Variants in RGS12 observed in about 807,000 individuals in gnomAD.
RGS12 encodes regulator of G-protein signaling 12.
Under a neutral mutation model 120.1 loss-of-function variants are expected in RGS12, and 66 were observed. That is an observed-to-expected ratio of 0.55 (90% CI 0.45 to 0.67). The LOEUF is 0.67. RGS12 is among the 30% of genes least tolerant of loss of function. The pLI is 0.00. For synonymous variants in RGS12, 827 were observed against 804.7 expected, an observed-to-expected ratio of 1.03 and a Z score of -0.47; for missense variants, 1,859 against 1,957.7, an observed-to-expected ratio of 0.95 and a Z score of 0.95.
intron 13 of RGS12, among the ~76,000 whole-genome samples, chr4:3,424,288 A>G (rs1395803906): frequency 6.6e-6 from 1 of 152,244 alleles, no homozygotes; most frequent in African/African-American, 2.4e-5. Context: ...TGGAGCAATG[A>G]TTTCAAGTAT....
intron 2 of RGS12, among the ~76,000 whole-genome samples, chr4:3,326,944 G>T (rs6841189): frequency 9.9e-5 from 15 of 152,032 alleles, no homozygotes; most frequent in Non-Finnish European, 1.9e-4. Flanking sequence ...AATTTTTCAC[G>T]GAAGTAGAAA....
At position 3,423,515 on chromosome 4, in the gene RGS12, G is replaced by T; in HGVS notation, c.3108G>T (p.Arg1036=). 1 of 1,613,078 alleles carries T rather than the reference G, an allele frequency of 6.2e-7. No homozygotes were observed. ...AGTGAATTTTTTCATCCCCCACCAG[G>T]CTGGATCTTGTTCCGATTAACCGGT... is the stretch of plus-strand genomic sequence containing the variant. ...DLRLEKRTLF[R]LDLVPINRSV... The change falls in exon 13 of 18, where the codon CGG becomes CGT. Residue 1036 remains arginine, a splice_region_variant and synonymous_variant. Transcript: ENST00000336727.
intron 1 of RGS12, among the ~76,000 whole-genome samples, chr4:3,302,563 C>A (rs1261231504): frequency 1.3e-5 from 2 of 152,334 alleles, no homozygotes; most frequent in East Asian, 1.9e-4. Flanking sequence ...GCTCCGCTCC[C>A]CCTGCTTACA....
At chr4:3,419,030 A>C (rs1560166595) in intron 9 of RGS12, 2 of 151,034 alleles carry the variant, frequency 1.3e-5, no homozygotes, top group African/African-American at 2.4e-5. Context: ...CAAAAAAAAA[A>C]AAAAAAAAAA....
chr4:3,294,894 G>A lies in RGS12; in HGVS notation c.-102+1795G>A, dbSNP rs186567867. Among the ~76,000 whole-genome samples the A allele has an allele frequency of 2.4e-3, 368 of 152,256 alleles. 1 individual carries two copies. In the Middle Eastern group the frequency reaches 0.044, roughly 18 times the overall value. On this transcript the variant is annotated intron_variant, in intron 1 of 17. Coordinates refer to ENST00000336727, the MANE Select transcript of RGS12 (RefSeq NM_001394154.1). The stretch of plus-strand genomic sequence containing the variant: ...CAAGGGCGGAGGAAAGGCCCCTCAC[G>A]TGGACTGGAGGTACAGTACTGACCT...
chr4:3,330,276 A>C (rs183423554), intron 2 of RGS12, among the ~76,000 whole-genome samples: 1 of 152,344 alleles, frequency 6.6e-6, no homozygotes, highest in East Asian at 1.9e-4. Flanking sequence ...CACCAAGTAC[A>C]TCCCGCTGAA....
intron 13 of RGS12, among the ~76,000 whole-genome samples, chr4:3,425,185 C>T (rs1279279383): frequency 2.0e-5 from 3 of 152,178 alleles, no homozygotes; most frequent in Non-Finnish European, 4.4e-5. Context: ...TCCCTCATAG[C>T]AGCGTCCGAG....
At chr4:3,292,559 C>T (rs1453809441), upstream of RGS12, among the ~76,000 whole-genome samples, 1 of 152,252 alleles carries the variant, frequency 6.6e-6, no homozygotes, top group East Asian at 1.9e-4. Context: ...GGCACAGAGA[C>T]CCAACGGGAG....
intron 4 of RGS12, among the ~76,000 whole-genome samples, chr4:3,399,748 A>C (rs2038921177): frequency 6.6e-6 from 1 of 152,276 alleles, no homozygotes; most frequent in Admixed American, 6.5e-5. Context: ...TATATCAGTC[A>C]GCTTAGGCTA....
At chr4:3,352,573 T>C (rs1714466292) in intron 3 of RGS12, among the ~76,000 whole-genome samples, 1 of 152,174 alleles carries the variant, frequency 6.6e-6, no homozygotes, top group African/African-American at 2.4e-5. Context: ...AGGGAAGTAG[T>C]GGAAGATAAA....
At chr4:3,370,288 G>C (rs1716833475) in intron 3 of RGS12, 1 of 1,614,162 alleles carries the variant, frequency 6.2e-7, no homozygotes, top group Non-Finnish European at 8.5e-7. Context: ...GGAAAGAGTT[G>C]TCAAACGAAA....
chr4:3,311,440 T>A (rs1190837996), intron 1 of RGS12, among the ~76,000 whole-genome samples: 2 of 152,064 alleles, frequency 1.3e-5, no homozygotes, highest in Non-Finnish European at 2.9e-5. Flanking sequence ...TCACCCTGAG[T>A]TTTTTTTCTT....
At chr4:3,286,602 G>A in the RGS12 span, among the ~76,000 whole-genome samples, 1 of 152,216 alleles carries the variant, frequency 6.6e-6, no homozygotes, top group South Asian at 2.1e-4. Context: ...CTGCGGTGTG[G>A]GGTTTGCTCT....
chr4:3,439,363 C>T (rs2109282906), intron 17 of RGS12, 92 bp from the exon 18 acceptor site: 1 of 1,249,806 alleles, frequency 8.0e-7, no homozygotes, highest in South Asian at 1.2e-5. Flanking sequence ...CCCTACCATG[C>T]TGTCTGTGCA....
chr4:3,300,746 G>A (rs1242789858), intron 1 of RGS12, among the ~76,000 whole-genome samples: 4 of 152,198 alleles, frequency 2.6e-5, no homozygotes, highest in African/African-American at 7.2e-5. Flanking sequence ...ATTCTCTCAC[G>A]TGGCTTTCTC....
rs540690243 is a variant in RGS12, at chr4:3,374,417, C to T, written c.1999-11999C>T. On this transcript the variant is annotated intron_variant, in intron 3 of 17. Transcript: ENST00000336727. This position sits in a 1 kb window ranked among gnomAD's most constrained non-coding sequence, Gnocchi z 6.3. ...TCCACGACAGGCTCGATTCGTCCCT[C>T]GCATGCTGCCCTCCCAGCCTGGCCC... Among the ~76,000 whole-genome samples the T allele has an allele frequency of 2.0e-5, 3 of 152,292 alleles. No individual in the cohort carries two copies. Among genetic ancestry groups the T allele is most frequent in the African/African-American group, 7.2e-5 (3 of 41,580 alleles).
At chr4:3,289,477 T>A (rs1317927565), upstream of RGS12, among the ~76,000 whole-genome samples, 1 of 152,206 alleles carries the variant, frequency 6.6e-6, no homozygotes, top group Non-Finnish European at 1.5e-5. Flanking sequence ...GAGCTGGGAT[T>A]ACAGGCATGA....
intron 17 of RGS12, among the ~76,000 whole-genome samples, chr4:3,434,701 A>G (rs1373061378): frequency 2.6e-5 from 4 of 152,178 alleles, no homozygotes; most frequent in Non-Finnish European, 4.4e-5. Flanking sequence ...CGAGTTTCCA[A>G]TGCACAGTGC....
intron 11 of RGS12, 110 bp from the exon 12 acceptor site, chr4:3,422,795 T>G (rs1723166955): frequency 6.3e-6 from 7 of 1,102,992 alleles, no homozygotes; most frequent in Non-Finnish European, 6.8e-6. Context: ...GGATGGCTGT[T>G]TTTGAAGCTG....
Sources: allele counts gnomAD v4.1 joint callset (sites outside exome capture counted in the v4.1 genomes callset), GRCh38; gene constraint gnomAD v4.1.1; non-coding constraint Gnocchi (gnomAD v3.1); transcripts MANE v1.5; gene names NCBI Gene and HGNC (gene_info 2026-07-23, HGNC 2026-07-21).